Variants in IGF1R observed in about 807,000 individuals in gnomAD.
The protein encoded by IGF1R is insulin-like growth factor 1 receptor.
IGF1R carries 44 observed loss-of-function variants against 144.6 expected under a neutral mutation model. The ratio of observed to expected loss-of-function variants is 0.30; its 90% CI spans 0.24 to 0.39. The LOEUF (loss-of-function observed/expected upper bound fraction) is 0.39, where lower values mean the gene tolerates loss of function less well. Among genes scored for constraint, IGF1R ranks in the 10% least tolerant of loss-of-function variants. The probability of loss-of-function intolerance (pLI) is 1.00; values close to 1 mark genes in which losing one functional copy is unlikely to be tolerated. For synonymous variants in IGF1R, 795 were observed against 722.8 expected (o/e 1.10, Z -1.60); for missense variants, 1,355 against 1,833.7 (o/e 0.74, Z 4.77).
intron 2 of IGF1R, among the ~76,000 whole-genome samples, chr15:98,768,953 AC>A (rs58437807): frequency 0.075 from 9,916 of 132,270 alleles, 410 homozygotes; most frequent in South Asian, 0.17. Flanking sequence ...AACAACAACA[AC>A]AACAACACCT....
intron 2 of IGF1R, among the ~76,000 whole-genome samples, chr15:98,859,146 G>A (rs2012003408): frequency 6.6e-6 from 1 of 152,044 alleles, no homozygotes; most frequent in Non-Finnish European, 1.5e-5. Context: ...GCTCCACTGA[G>A]CTATCATTGC....
At chr15:98,914,267 T>C (rs898758828) in intron 8 of IGF1R, among the ~76,000 whole-genome samples, 6 of 152,228 alleles carry the variant, frequency 3.9e-5, no homozygotes, top group Non-Finnish European at 7.3e-5. Context: ...CATGTGAGTT[T>C]TGGTAGGGGA....
At chr15:98,902,934 A>C (rs8037002) in intron 5 of IGF1R, among the ~76,000 whole-genome samples, 57,738 of 151,904 alleles carry the variant, frequency 0.38, 11,381 homozygotes, top group East Asian at 0.57. Flanking sequence ...AGCATTTTAC[A>C]TAGAGTAGAG....
rs1397284680 is a variant in IGF1R at position 98,877,370 on chromosome 15, C to T, written c.641-13955C>T. ...AGAGAAGTTAACGCCACAGGTAATG[C>T]AGATGGCCAAGAGATGTGTGAAAAA... On this transcript the variant is annotated intron_variant, in intron 2 of 20. Coordinates refer to ENST00000650285, the MANE Select transcript of IGF1R (RefSeq NM_000875.5). Among the ~76,000 whole-genome samples, 4 of 152,014 alleles carry T rather than the reference C, an allele frequency of 2.6e-5. No individual in the cohort carries two copies. The East Asian group carries it at 7.7e-4, about 29-fold the overall frequency.
intron 7 of IGF1R, among the ~76,000 whole-genome samples, chr15:98,911,856 T>C (rs1377240471): frequency 1.3e-5 from 2 of 152,284 alleles, no homozygotes; most frequent in East Asian, 1.9e-4. Context: ...CGTGGCTCTT[T>C]TGTATCATCT....
intron 2 of IGF1R, among the ~76,000 whole-genome samples, chr15:98,842,005 A>G (rs1015183517): frequency 6.6e-6 from 1 of 152,246 alleles, no homozygotes; most frequent in Non-Finnish European, 1.5e-5. Flanking sequence ...CTATGATGCC[A>G]TTAGAAGCAG....
intron 2 of IGF1R, among the ~76,000 whole-genome samples, chr15:98,730,897 G>A (rs1012491001): frequency 2.0e-5 from 3 of 151,982 alleles, no homozygotes; most frequent in South Asian, 2.1e-4. Context: ...TGTAGTCACC[G>A]ATGAATTATT....
Position 98,830,274 on chromosome 15 carries a change from A to G in IGF1R, c.641-61051A>G, listed in dbSNP as rs201101527. ...CATCTCCTTTATGGCTTTATCCATCACAGCCACACAGATAGGTTCTGTCTG... is the reference window on the plus strand; with the variant it reads ...CATCTCCTTTATGGCTTTATCCATCGCAGCCACACAGATAGGTTCTGTCTG... On this transcript the variant is annotated intron_variant, in intron 2 of 20. Transcript: ENST00000650285. 2.8e-3 allele frequency among the ~76,000 whole-genome samples: 430 copies of G among 152,298 alleles called. 5 individuals carry two copies. Among genetic ancestry groups the G allele is most frequent in the Admixed American group, 9.5e-3 (146 of 15,302 alleles).
chr15:98,870,203 T>G (rs978316835), intron 2 of IGF1R, among the ~76,000 whole-genome samples: 3 of 152,284 alleles, frequency 2.0e-5, no homozygotes, highest in African/African-American at 7.2e-5. Context: ...TCATTTATAT[T>G]CAGAACTCTT....
At chr15:98,898,038 A>C (rs929018860) in intron 4 of IGF1R, among the ~76,000 whole-genome samples, 1 of 152,130 alleles carries the variant, frequency 6.6e-6, no homozygotes, top group East Asian at 1.9e-4. Flanking sequence ...GGACAGAAAC[A>C]AGTTTGTGCT....
chr15:98,908,796 A>T lies in IGF1R; in HGVS notation c.1359A>T (p.Lys453Asn). ...AAATGTACTTTGCTTTCAATCCCAA[A>T]TTATGTGTTTCCGAAATTTACCGCA... Reference protein sequence around the residue: ...AGKMYFAFNPKLCVSEIYRME... With the variant: ...AGKMYFAFNPNLCVSEIYRME... Residue 453 changes from lysine (K) to asparagine (N), a missense_variant, in exon 6 of 21, where the codon AAA becomes AAT. Physicochemically the swap from Lys to Asn is moderately conservative, Grantham distance 94. Around this residue, in one of 7 missense-constraint regions of IGF1R, gnomAD observed 880 missense variants for 1,202.7 expected, o/e 0.73. Transcript: ENST00000650285. The T allele has an allele frequency of 6.2e-7, 1 of 1,614,166 alleles. No individual in the cohort carries two copies. Among genetic ancestry groups the T allele is most frequent in the Non-Finnish European group, 8.5e-7 (1 of 1,180,012 alleles).
At chr15:98,693,012 C>G (rs2141235211) in intron 1 of IGF1R, among the ~76,000 whole-genome samples, 1 of 152,282 alleles carries the variant, frequency 6.6e-6, no homozygotes, top group Non-Finnish European at 1.5e-5. Flanking sequence ...GTCCCGTGTT[C>G]CATTTGCCCG....
In IGF1R at chr15:98,704,839, C is replaced by G. The variant is rs1040837007; in HGVS notation, c.95-2723C>G. On this transcript the variant is annotated intron_variant, in intron 1 of 20. Transcript: ENST00000650285. This position sits in a 1 kb window ranked among gnomAD's most constrained non-coding sequence, Gnocchi z 4.9. ...GGGGCAGCATTGTGGGAAGAGCAAC[C>G]AAGATTCTCATAGGCTTGGGAGCGG... Among the ~76,000 whole-genome samples, 1 of 152,044 alleles carries G rather than the reference C, an allele frequency of 6.6e-6. No homozygotes were observed. The highest frequency in any genetic ancestry group is 2.4e-5 in the African/African-American group (1 of 41,372).
intron 1 of IGF1R, among the ~76,000 whole-genome samples, chr15:98,687,682 G>C (rs1442570435): frequency 6.6e-6 from 1 of 152,182 alleles, no homozygotes; most frequent in African/African-American, 2.4e-5. Context: ...TGGTAACCAG[G>C]GGAGAGAGAG....
At chr15:98,876,193 C>G (rs2013050017) in intron 2 of IGF1R, among the ~76,000 whole-genome samples, 2 of 152,102 alleles carry the variant, frequency 1.3e-5, no homozygotes, top group Non-Finnish European at 2.9e-5. Flanking sequence ...AAGGCCATCT[C>G]CATTGGGCAT....
intron 2 of IGF1R, among the ~76,000 whole-genome samples, chr15:98,860,262 A>G (rs886400610): frequency 6.6e-6 from 1 of 152,254 alleles, no homozygotes; most frequent in Non-Finnish European, 1.5e-5. Flanking sequence ...TGATTTTCGG[A>G]GTCAGTGCGC....
chr15:98,662,125 G>A (rs1463466622), intron 1 of IGF1R, among the ~76,000 whole-genome samples: 2 of 151,672 alleles, frequency 1.3e-5, no homozygotes, highest in African/African-American at 4.8e-5. Context: ...GATTACAGGC[G>A]TGTGCCACCA....
rs985916035 is a variant in IGF1R at position 98,664,924 on chromosome 15, G to GT, written c.94+15258dup. Among the ~76,000 whole-genome samples the GT allele has an allele frequency of 1.8e-3, 261 of 143,776 alleles. 1 individual carries two copies. Among genetic ancestry groups the GT allele is most frequent in the African/African-American group, 4.6e-3 (182 of 39,270 alleles). The allele number at this position is 143,776 out of a possible 152,430, so 94.3% of individuals were successfully genotyped here. ...TGTTTTGCTCCTAGCTACATTTGCC[G>GT]TTTTTTTTTGACTGCAGAATTAGGA... is the stretch of plus-strand genomic sequence containing the variant. On this transcript the variant is annotated intron_variant, in intron 1 of 20. Transcript: ENST00000650285.
intron 1 of IGF1R, among the ~76,000 whole-genome samples, chr15:98,651,563 A>G (rs1465487224): frequency 2.0e-5 from 3 of 152,190 alleles, no homozygotes; most frequent in African/African-American, 2.4e-5. Flanking sequence ...TGTGTTTTTA[A>G]TGTTCTGAAA....
Sources: allele counts gnomAD v4.1 joint callset (sites outside exome capture counted in the v4.1 genomes callset), GRCh38; gene constraint gnomAD v4.1.1; regional missense constraint gnomAD v4.1.1; non-coding constraint Gnocchi (gnomAD v3.1); transcripts MANE v1.5; gene names NCBI Gene and HGNC (gene_info 2026-07-23, HGNC 2026-07-21).